Variants in SEMA6D observed in about 807,000 individuals in gnomAD.
SEMA6D encodes semaphorin 6D.
Under a neutral mutation model 106.6 loss-of-function variants are expected in SEMA6D, and 35 were observed. The observed-to-expected ratio is 0.33, with a 90% CI of 0.25 to 0.44. The LOEUF (loss-of-function observed/expected upper bound fraction) is 0.44, where lower values mean the gene tolerates loss of function less well. Ranked by LOEUF, SEMA6D falls within the 20% of genes least tolerant of loss-of-function variation. The pLI is 1.00. For synonymous variants in SEMA6D, 499 were observed against 487.7 expected (o/e 1.02, Z -0.31); for missense variants, 1,185 against 1,345.9 (o/e 0.88, Z 1.87).
chr15:47,213,500 T>C (rs2141251429), intron 1 of SEMA6D, among the ~76,000 whole-genome samples: 1 of 152,292 alleles, frequency 6.6e-6, no homozygotes, highest in Non-Finnish European at 1.5e-5. Context: ...GGGTGGATGA[T>C]TCTGCAACTC....
intron 1 of SEMA6D, among the ~76,000 whole-genome samples, chr15:47,353,930 T>C (rs943477058): frequency 6.6e-6 from 1 of 152,092 alleles, no homozygotes; most frequent in Non-Finnish European, 1.5e-5. Flanking sequence ...ATGAAGAATA[T>C]ATCTTAAGAT....
intron 1 of SEMA6D, among the ~76,000 whole-genome samples, chr15:47,268,052 A>C (rs1329285129): frequency 6.6e-6 from 1 of 152,180 alleles, no homozygotes; most frequent in Non-Finnish European, 1.5e-5. Flanking sequence ...GGAATACAGA[A>C]TCAAAGACCC....
At chr15:47,677,875 A>G (rs2078276540) in intron 4 of SEMA6D, among the ~76,000 whole-genome samples, 1 of 152,242 alleles carries the variant, frequency 6.6e-6, no homozygotes, top group Non-Finnish European at 1.5e-5. Context: ...AAGAAATTAG[A>G]TGATTAAAGA....
intron 1 of SEMA6D, among the ~76,000 whole-genome samples, chr15:47,253,431 C>T (rs1428567082): frequency 1.3e-5 from 2 of 152,082 alleles, no homozygotes; most frequent in Non-Finnish European, 2.9e-5. Flanking sequence ...ACAATACTCA[C>T]CCAAGGAAAT....
At chr15:47,474,853 G>GAGAAT (rs1343125502) in intron 3 of SEMA6D, among the ~76,000 whole-genome samples, 2 of 152,168 alleles carry the variant, frequency 1.3e-5, no homozygotes, top group Non-Finnish European at 2.9e-5. Flanking sequence ...TGCAGACTAA[G>GAGAAT]AGAATGAAAG....
intron 2 of SEMA6D, among the ~76,000 whole-genome samples, chr15:47,465,727 C>A (rs1474133016): frequency 6.6e-6 from 1 of 152,150 alleles, no homozygotes; most frequent in African/African-American, 2.4e-5. Flanking sequence ...TTGCCTTCTA[C>A]CATGATTGTA....
chr15:47,714,570 T>G (rs1318851325), upstream of SEMA6D, among the ~76,000 whole-genome samples: 1 of 152,224 alleles, frequency 6.6e-6, no homozygotes, highest in Non-Finnish European at 1.5e-5. Context: ...AAATGACTAC[T>G]TTCCACTGAT....
At chr15:47,760,074 G>A (rs142203737) in intron 2 of SEMA6D, 167 bp downstream of exon 2, 5 of 668,828 alleles carry the variant, frequency 7.5e-6, no homozygotes, top group East Asian at 2.7e-5. Context: ...AGAAAACGGG[G>A]CAGTTTTGTT....
intron 1 of SEMA6D, among the ~76,000 whole-genome samples, chr15:47,190,479 G>A (rs368224205): frequency 5.9e-5 from 9 of 152,138 alleles, no homozygotes; most frequent in East Asian, 1.9e-4. Context: ...TGTGTATGAA[G>A]AATGCAGTGA....
At chr15:47,221,368 G>C (rs1465244513) in intron 1 of SEMA6D, among the ~76,000 whole-genome samples, 1 of 152,128 alleles carries the variant, frequency 6.6e-6, no homozygotes, top group African/African-American at 2.4e-5. Flanking sequence ...GGATGTTAAA[G>C]GCTTCCCTGT....
intron 4 of SEMA6D, among the ~76,000 whole-genome samples, chr15:47,677,804 A>G (rs1355895210): frequency 1.3e-5 from 2 of 152,244 alleles, no homozygotes; most frequent in South Asian, 4.1e-4. Flanking sequence ...ATAAAGTCAT[A>G]TGAAAGGAAA....
intron 1 of SEMA6D, among the ~76,000 whole-genome samples, chr15:47,254,511 C>G (rs2033695157): frequency 6.6e-6 from 1 of 151,758 alleles, no homozygotes; most frequent in Admixed American, 6.6e-5. Flanking sequence ...TGTTCTAGAT[C>G]TAAAGGGAAA....
chr15:47,400,640 G>A (rs930645992), intron 1 of SEMA6D, among the ~76,000 whole-genome samples: 5 of 152,166 alleles, frequency 3.3e-5, no homozygotes, highest in Non-Finnish European at 5.9e-5. Flanking sequence ...CTGTGGTTGA[G>A]AATGCTCTGG....
chr15:47,505,093 G>A (rs1207237791), intron 3 of SEMA6D, among the ~76,000 whole-genome samples: 2 of 152,144 alleles, frequency 1.3e-5, no homozygotes, highest in Admixed American at 1.3e-4. Flanking sequence ...CCAGGAGTAA[G>A]AGAGGAGATC....
At chr15:47,269,127 G>A (rs1595589181) in intron 1 of SEMA6D, among the ~76,000 whole-genome samples, 1 of 152,122 alleles carries the variant, frequency 6.6e-6, no homozygotes, top group Non-Finnish European at 1.5e-5. Context: ...ATGTTTTTAT[G>A]TATGCTTTAT....
chr15:47,494,300 A>G (rs1173851664), intron 3 of SEMA6D, among the ~76,000 whole-genome samples: 1 of 152,080 alleles, frequency 6.6e-6, no homozygotes, highest in Non-Finnish European at 1.5e-5. Flanking sequence ...GTAATCTTAT[A>G]CACTACCCTA....
chr15:47,418,850 A>T (rs1266234612), intron 2 of SEMA6D, among the ~76,000 whole-genome samples: 1 of 152,092 alleles, frequency 6.6e-6, no homozygotes, highest in Non-Finnish European at 1.5e-5. Context: ...GATAGGTGGG[A>T]AGAGATGGTA....
chr15:47,533,028 C>T (rs769089203), intron 3 of SEMA6D, among the ~76,000 whole-genome samples: 9 of 152,024 alleles, frequency 5.9e-5, no homozygotes, highest in Non-Finnish European at 1.3e-4. Context: ...ATGGCACATT[C>T]ACAAGTAAAA....
chr15:47,764,223 G>A lies in SEMA6D; in HGVS notation c.1015G>A (p.Val339Ile), dbSNP rs751534934. ...ATTTAGCATGGATGACATTGAAAAA[G>A]TATTCAAAGGACGGTTTAAGGAACA... is the stretch of plus-strand genomic sequence containing the variant. ...CAFSMDDIEKVFKGRFKEQKT... is the reference protein window; with the variant it reads ...CAFSMDDIEKIFKGRFKEQKT... The change falls in exon 11 of 19, where the codon GTA (valine) becomes ATA (isoleucine). Residue 339 changes from valine to isoleucine, a missense_variant. Val to Ile is a conservative substitution (Grantham distance 29). This residue lies in a region of SEMA6D where 291 missense variants were observed against 423.8 expected (regional missense o/e 0.69). Coordinates refer to ENST00000536845, the MANE Select transcript of SEMA6D (RefSeq NM_001358351.3). The A allele has an allele frequency of 6.2e-7, 1 of 1,613,780 alleles. No homozygotes were observed. The highest frequency in any genetic ancestry group is 2.2e-5 in the East Asian group (1 of 44,862).
Sources: allele counts gnomAD v4.1 joint callset (sites outside exome capture counted in the v4.1 genomes callset), GRCh38; gene constraint gnomAD v4.1.1; regional missense constraint gnomAD v4.1.1; transcripts MANE v1.5; gene names NCBI Gene and HGNC (gene_info 2026-07-23, HGNC 2026-07-21).